The following GPR176 variants were observed in gnomAD, a reference collection of about 807,000 sequenced individuals.
GPR176 encodes the protein G protein-coupled receptor 176, also known as G-protein coupled receptor 176.
In GPR176, 26 loss-of-function variants were observed where a neutral mutation model predicts 35.4. The ratio of observed to expected loss-of-function variants is 0.74; its 90% CI spans 0.54 to 1.02. The LOEUF is 1.02. Among genes scored for constraint, GPR176 ranks in the 50% least tolerant of loss-of-function variants. The probability of loss-of-function intolerance (pLI) is 0.00; values close to 1 mark genes in which losing one functional copy is unlikely to be tolerated. For synonymous variants in GPR176, 278 were observed against 271.3 expected, an observed-to-expected ratio of 1.02 and a Z score of -0.24; for missense variants, 597 against 665.3, an observed-to-expected ratio of 0.90 and a Z score of 1.13.
chr15:39,822,317 T>A (rs1402900740), intron 1 of GPR176, among the ~76,000 whole-genome samples: 1 of 152,254 alleles, frequency 6.6e-6, no homozygotes, highest in Non-Finnish European at 1.5e-5. Flanking sequence ...ACTTAGACAC[T>A]TTGCATAGAC....
intron 1 of GPR176, among the ~76,000 whole-genome samples, chr15:39,905,427 A>G (rs1431449388): frequency 3.5e-5 from 5 of 143,538 alleles, no homozygotes; most frequent in Non-Finnish European, 7.5e-5. Flanking sequence ...CTTAGGCAAT[A>G]TAGTGAGACC....
intron 1 of GPR176, among the ~76,000 whole-genome samples, chr15:39,872,109 G>C (rs2032063797): frequency 6.6e-6 from 1 of 152,182 alleles, no homozygotes; most frequent in Admixed American, 6.5e-5. Context: ...ACATTCCCAA[G>C]GTTGGAATAT....
chr15:39,912,549 T>C (rs749959176), intron 1 of GPR176, among the ~76,000 whole-genome samples: 11 of 151,156 alleles, frequency 7.3e-5, no homozygotes, highest in Non-Finnish European at 1.5e-4. Flanking sequence ...GCCTGAGAGG[T>C]TGAGGCTGCA....
chr15:39,855,807 A>T (rs2031177802), intron 1 of GPR176, among the ~76,000 whole-genome samples: 2 of 152,180 alleles, frequency 1.3e-5, no homozygotes. Flanking sequence ...TCAAATAAAG[A>T]CAGTTAAGTT....
intron 1 of GPR176, among the ~76,000 whole-genome samples, chr15:39,916,257 A>G (rs746561054): frequency 6.6e-6 from 1 of 152,198 alleles, no homozygotes; most frequent in Non-Finnish European, 1.5e-5. Context: ...CTTGACTACT[A>G]AAAGTGATTG....
Position 39,868,839 on chromosome 15 carries a change from C to T in GPR176, c.172+51016G>A, listed in dbSNP as rs111370792. On this transcript the variant is annotated intron_variant, in intron 1 of 2. Coordinates refer to ENST00000561100, the MANE Select transcript of GPR176 (RefSeq NM_007223.3). ...GAAGGGGCAGGAGCCAGGCCAGTGT[C>T]TGTCCTCTGCAGATACCTGAAATTC... 7.8e-3 allele frequency among the ~76,000 whole-genome samples: 1,188 copies of T among 152,268 alleles called. 21 individuals are homozygous for T. Among genetic ancestry groups the T allele is most frequent in the African/African-American group, 0.027 (1,136 of 41,538 alleles).
chr15:39,856,451 T>C (rs1270611837), intron 1 of GPR176, among the ~76,000 whole-genome samples: 1 of 152,194 alleles, frequency 6.6e-6, no homozygotes, highest in African/African-American at 2.4e-5. Context: ...GTAGTTGGGC[T>C]GGTGGTCTGG....
At chr15:39,909,755 A>G (rs1267515554) in intron 1 of GPR176, 1 of 186,634 alleles carries the variant, frequency 5.4e-6, no homozygotes, top group Non-Finnish European at 1.0e-5. Context: ...TTTAATGCTG[A>G]TATCTGAAGG....
At position 39,807,016 on chromosome 15, in the gene GPR176, C is replaced by T; in HGVS notation, c.415G>A (p.Ala139Thr). ...GCTACCTGATCTTACCTGTCCAAAG[C>T]AATAGCAGGGAAGCTGAGGATGGTC... ...SVTILSFPAI[A>T]LDRYYSVLYP... is the part of the protein sequence containing the mutation. Residue 139 changes from alanine (A) to threonine (T), a missense_variant, in exon 2 of 3, where the codon GCT becomes ACT. By Grantham distance (58) the Ala-to-Thr change is moderately conservative (BLOSUM62 0). Transcript: ENST00000561100. 1.9e-6 allele frequency: 3 copies of T among 1,612,400 alleles called. No individual in the cohort carries two copies. The highest frequency in any genetic ancestry group is 2.5e-6 in the Non-Finnish European group (3 of 1,179,382).
At chr15:39,919,586 A>G (rs1221269232) in intron 1 of GPR176, among the ~76,000 whole-genome samples, 1 of 152,232 alleles carries the variant, frequency 6.6e-6, no homozygotes, top group Non-Finnish European at 1.5e-5. Context: ...CGCCGGGGCC[A>G]TCTGAGGAGG....
intron 1 of GPR176, among the ~76,000 whole-genome samples, chr15:39,897,922 A>G (rs2033167159): frequency 6.6e-6 from 1 of 151,968 alleles, no homozygotes; most frequent in Admixed American, 6.6e-5. Context: ...AGAAAACCCA[A>G]TTAGCTTAGT....
chr15:39,911,987 A>G (rs2033590539), intron 1 of GPR176, among the ~76,000 whole-genome samples: 2 of 152,242 alleles, frequency 1.3e-5, no homozygotes, highest in African/African-American at 2.4e-5. Context: ...TGCATTTAAC[A>G]TGATTTATTT....
chr15:39,867,677 C>A (rs1865753), intron 1 of GPR176, among the ~76,000 whole-genome samples: 102,697 of 151,872 alleles, frequency 0.68, 35,591 homozygotes, highest in Non-Finnish European at 0.77. Context: ...GCACCTCTCC[C>A]CAAGACGTGA....
chr15:39,820,629 T>C (rs748887656), intron 1 of GPR176, among the ~76,000 whole-genome samples: 8 of 152,192 alleles, frequency 5.3e-5, no homozygotes, highest in Non-Finnish European at 8.8e-5. Context: ...TGATTCCTTT[T>C]GAGGTAAGAA....
rs540187661 is a variant in GPR176, at chr15:39,857,702, C to T, written c.173-50444G>A. ...AAAAAAAAAGGGCAGGGCGCGGTGG[C>T]TTGTGCCTGTAATCCCAGCACTTTG... On this transcript the variant is annotated intron_variant, in intron 1 of 2. Transcript: ENST00000561100. Among the ~76,000 whole-genome samples, 430 of 152,058 alleles carry T rather than the reference C, an allele frequency of 2.8e-3. 1 individual carries two copies. Among genetic ancestry groups the T allele is most frequent in the Admixed American group, 4.8e-3 (74 of 15,270 alleles).
At chr15:39,884,694 G>C (rs898190945) in intron 1 of GPR176, among the ~76,000 whole-genome samples, 3 of 152,124 alleles carry the variant, frequency 2.0e-5, no homozygotes, top group Non-Finnish European at 4.4e-5. Context: ...TGTATACCAG[G>C]CAGAAGGGGG....
At chr15:39,848,530 C>T (rs2030607987) in intron 1 of GPR176, among the ~76,000 whole-genome samples, 1 of 152,012 alleles carries the variant, frequency 6.6e-6, no homozygotes, top group Non-Finnish European at 1.5e-5. Flanking sequence ...CAAATGCCCA[C>T]AAGATATATA....
In GPR176 at chr15:39,847,204, A is replaced by G. The variant is rs1052442172; in HGVS notation, c.173-39946T>C. Among the ~76,000 whole-genome samples, 5 of 151,468 alleles carry G rather than the reference A, an allele frequency of 3.3e-5. 1 individual carries two copies. Among genetic ancestry groups the G allele is most frequent in the East Asian group, 1.9e-4 (1 of 5,184 alleles). On this transcript the variant is annotated intron_variant, in intron 1 of 2. Coordinates refer to ENST00000561100, the MANE Select transcript of GPR176 (RefSeq NM_007223.3). Reference sequence around the variant, plus strand: ...TTCAAGTAACCCACAGGAAATCAGGAAAAATAAATAAAAAGCTGAGAGAAT... The same window carrying G: ...TTCAAGTAACCCACAGGAAATCAGGGAAAATAAATAAAAAGCTGAGAGAAT...
chr15:39,883,823 C>T (rs184225000), intron 1 of GPR176, among the ~76,000 whole-genome samples: 1 of 152,020 alleles, frequency 6.6e-6, no homozygotes, highest in Admixed American at 6.6e-5. Flanking sequence ...ATTTTTCTTA[C>T]ATATAACAAG....
Sources: gnomAD v4.1 joint callset for allele counts (sites outside exome capture counted in the v4.1 genomes callset) on GRCh38, gnomAD v4.1.1 for gene constraint, MANE v1.5 for transcripts, NCBI Gene and HGNC (gene_info 2026-07-23, HGNC 2026-07-21) for gene names.